Variants in KCNK13 observed in about 807,000 individuals in gnomAD.
The protein encoded by KCNK13 is potassium two pore domain channel subfamily K member 13, also known as potassium channel subfamily K member 13.
KCNK13 carries 12 observed loss-of-function variants against 23.4 expected under a neutral mutation model. The observed-to-expected ratio is 0.51, with a 90% CI of 0.33 to 0.83. The LOEUF (loss-of-function observed/expected upper bound fraction) is 0.83, where lower values mean the gene tolerates loss of function less well. Among genes scored for constraint, KCNK13 ranks in the 40% least tolerant of loss-of-function variants. The pLI is 0.02. For missense variants in KCNK13, 463 were observed against 556.3 expected, an observed-to-expected ratio of 0.83 and a Z score of 1.69; for synonymous variants, 231 against 229.5, an observed-to-expected ratio of 1.01 and a Z score of -0.06.
At chr14:90,085,252 C>T (rs1298303296) in intron 1 of KCNK13, among the ~76,000 whole-genome samples, 7 of 151,880 alleles carry the variant, frequency 4.6e-5, no homozygotes, top group South Asian at 2.1e-4. Flanking sequence ...GCCTAATTTT[C>T]GGATATTAAA....
At chr14:90,133,214 C>T (rs2140423821) in intron 1 of KCNK13, among the ~76,000 whole-genome samples, 1 of 152,318 alleles carries the variant, frequency 6.6e-6, no homozygotes, top group East Asian at 1.9e-4. Context: ...TTACTAGTCT[C>T]ATTTTGTACG....
At chr14:90,073,460 A>C (rs763028169) in intron 1 of KCNK13, among the ~76,000 whole-genome samples, 1 of 152,102 alleles carries the variant, frequency 6.6e-6, no homozygotes, top group South Asian at 2.1e-4. Context: ...GACTTTGCCT[A>C]TTAACTCTTG....
intron 1 of KCNK13, among the ~76,000 whole-genome samples, chr14:90,156,817 G>C (rs746537598): frequency 2.6e-5 from 4 of 152,134 alleles, no homozygotes; most frequent in Non-Finnish European, 5.9e-5. Flanking sequence ...GTGCTCTTCT[G>C]CCTCACATGC....
chr14:90,124,737 T>G (rs1889776871), intron 1 of KCNK13, among the ~76,000 whole-genome samples: 1 of 152,258 alleles, frequency 6.6e-6, no homozygotes, highest in South Asian at 2.1e-4. Flanking sequence ...AGGTCAGACT[T>G]CTGACCTGTA....
intron 1 of KCNK13, among the ~76,000 whole-genome samples, chr14:90,133,519 A>T (rs1211881910): frequency 6.6e-6 from 1 of 151,910 alleles, no homozygotes; most frequent in East Asian, 1.9e-4. Flanking sequence ...CACTTTAAAT[A>T]CATAAACTGT....
At chr14:90,080,465 A>C (rs938482136) in intron 1 of KCNK13, among the ~76,000 whole-genome samples, 3 of 152,052 alleles carry the variant, frequency 2.0e-5, no homozygotes, top group Non-Finnish European at 4.4e-5. Flanking sequence ...CAAATAAATA[A>C]ATAAATACAT....
rs1890537832 is a variant in KCNK13 at position 90,185,224 on chromosome 14, T to C, written c.*221T>C. ...ATGCTTGTCTCCTGATCCTTATTCT[T>C]TAAGTCTAAATTCAGTCTTTTCAAA... On this transcript the variant is annotated 3_prime_UTR_variant, in exon 2 of 2. Coordinates refer to ENST00000282146, the MANE Select transcript of KCNK13 (RefSeq NM_022054.4). 1 of 460,570 alleles carries C rather than the reference T, an allele frequency of 2.2e-6. No homozygotes were observed. The highest frequency in any genetic ancestry group is 1.9e-5 in the African/African-American group (1 of 51,304). 28.5% of individuals were successfully genotyped at this position (460,570 alleles called of 1,614,324 possible).
At chr14:90,115,031 G>C (rs1006266340) in intron 1 of KCNK13, among the ~76,000 whole-genome samples, 1 of 152,182 alleles carries the variant, frequency 6.6e-6, no homozygotes, top group Non-Finnish European at 1.5e-5. Context: ...TCCAAAGTCC[G>C]ATCCAAATCA....
At position 90,094,649 on chromosome 14, in the gene KCNK13, T is replaced by C. The variant is rs897386835; in HGVS notation, c.334+32110T>C. Among the ~76,000 whole-genome samples the C allele has an allele frequency of 1.7e-3, 133 of 79,074 alleles. 1 individual carries two copies. Among genetic ancestry groups the C allele is most frequent in the African/African-American group, 4.5e-3 (65 of 14,582 alleles). 51.9% of individuals were successfully genotyped at this position (79,074 alleles called of 152,430 possible). A position where few individuals can be genotyped will look rare whatever the true frequency, so the allele number is the denominator to read the frequency against. ...TCAGGGACTTTTCTTTTTTTTCTTT[T>C]TTTTTTTTTTTTTTTTTTGAGATGG... On this transcript the variant is annotated intron_variant, in intron 1 of 1. Transcript: ENST00000282146.
chr14:90,140,674 AT>A (rs1430642372), intron 1 of KCNK13, among the ~76,000 whole-genome samples: 1 of 152,152 alleles, frequency 6.6e-6, no homozygotes, highest in African/African-American at 2.4e-5. Context: ...TCTGAGGAAG[AT>A]TAGTCATGCC....
Position 90,134,797 on chromosome 14 carries a change from A to G in KCNK13, c.335-49314A>G, listed in dbSNP as rs554666905. Among the ~76,000 whole-genome samples, 14 of 152,330 alleles carry G rather than the reference A, an allele frequency of 9.2e-5. No individual in the cohort carries two copies. In the East Asian group the frequency reaches 2.3e-3, roughly 25 times the overall value. ...ATGAATGGTGTTTTGCATTTTCTGA[A>G]TTTCCTACAATGAAGATATATTATG... On this transcript the variant is annotated intron_variant, in intron 1 of 1. Transcript: ENST00000282146.
intron 1 of KCNK13, among the ~76,000 whole-genome samples, chr14:90,119,849 C>A (rs904265981): frequency 6.6e-6 from 1 of 152,166 alleles, no homozygotes; most frequent in Admixed American, 6.5e-5. Context: ...ATCCGCCCAC[C>A]TTGGCATCGC....
chr14:90,129,012 T>G (rs1889836638), intron 1 of KCNK13, among the ~76,000 whole-genome samples: 1 of 152,162 alleles, frequency 6.6e-6, no homozygotes, highest in Non-Finnish European at 1.5e-5. Flanking sequence ...CTTTTGTTTT[T>G]TCAAAATTTA....
At chr14:90,131,809 T>C (rs77654401) in intron 1 of KCNK13, among the ~76,000 whole-genome samples, 15,073 of 152,164 alleles carry the variant, frequency 0.099, 1,051 homozygotes, top group Admixed American at 0.25. Flanking sequence ...GACAGAGAAA[T>C]TGGAACCCTT....
intron 1 of KCNK13, among the ~76,000 whole-genome samples, chr14:90,103,809 T>C (rs1320695097): frequency 6.6e-6 from 1 of 152,184 alleles, no homozygotes; most frequent in African/African-American, 2.4e-5. Flanking sequence ...GTGATCTGCC[T>C]GCCTTGGCCT....
chr14:90,182,079 T>G (rs1162067961), intron 1 of KCNK13, among the ~76,000 whole-genome samples: 3 of 152,186 alleles, frequency 2.0e-5, no homozygotes, highest in Admixed American at 6.5e-5. Context: ...AATGGAACTA[T>G]TCCCTGTCCC....
intron 1 of KCNK13, among the ~76,000 whole-genome samples, chr14:90,151,023 T>C (rs1474914460): frequency 1.3e-5 from 2 of 152,160 alleles, no homozygotes; most frequent in Non-Finnish European, 2.9e-5. Flanking sequence ...TTCTTCCTCC[T>C]GTTCACACTT....
At chr14:90,182,184 A>C (rs11626563) in intron 1 of KCNK13, among the ~76,000 whole-genome samples, 9,598 of 152,254 alleles carry the variant, frequency 0.063, 449 homozygotes, top group East Asian at 0.13. Flanking sequence ...TCCTGACTAC[A>C]TGCTGTTAAT....
At chr14:90,137,209 A>C (rs1213773889) in intron 1 of KCNK13, among the ~76,000 whole-genome samples, 1 of 152,198 alleles carries the variant, frequency 6.6e-6, no homozygotes, top group Non-Finnish European at 1.5e-5. Context: ...ATTTCCTGCT[A>C]GTAACAAGGT....
Sources: gnomAD v4.1 joint callset for allele counts (sites outside exome capture counted in the v4.1 genomes callset) on GRCh38, gnomAD v4.1.1 for gene constraint, MANE v1.5 for transcripts, NCBI Gene and HGNC (gene_info 2026-07-23, HGNC 2026-07-21) for gene names.